AOAH: variants seen among roughly 807,000 people sequenced by gnomAD.
The protein encoded by AOAH is acyloxyacyl hydrolase (neutrophil).
AOAH carries 64 observed loss-of-function variants against 92.2 expected under a neutral mutation model. The observed-to-expected ratio is 0.69, with a 90% CI of 0.57 to 0.86. The LOEUF (loss-of-function observed/expected upper bound fraction) is 0.86. Ranked by LOEUF, AOAH falls within the 40% of genes least tolerant of loss-of-function variation. The pLI is 0.00. For synonymous variants in AOAH, 263 were observed against 254.5 expected (o/e 1.03, Z -0.32); for missense variants, 656 against 694.6 (o/e 0.94, Z 0.62).
chr7:36,673,966 C>G lies in AOAH; in HGVS notation c.267G>C (p.Lys89Asn). 1 of 1,610,890 alleles carries G rather than the reference C, an allele frequency of 6.2e-7. No individual in the cohort carries two copies. Among genetic ancestry groups the G allele is most frequent in the Non-Finnish European group, 8.5e-7 (1 of 1,177,464 alleles). ...ACAGTTTTATGATGTCTGATCCAAACTTGTCAATGACTAAATAGCAGGTGG... is the reference window on the plus strand; with the variant it reads ...ACAGTTTTATGATGTCTGATCCAAAGTTGTCAATGACTAAATAGCAGGTGG... ...LKTTCYLVID[K>N]FGSDIIKLLS... Residue 89 changes from lysine to asparagine, a missense_variant, in exon 3 of 21, where the codon AAG becomes AAC. Lys to Asn is a moderately conservative substitution (Grantham distance 94). Transcript: ENST00000617537.
At chr7:36,565,250 A>G (rs957765009) in intron 13 of AOAH, among the ~76,000 whole-genome samples, 1 of 99,936 alleles carries the variant, frequency 1.0e-5, no homozygotes, top group African/African-American at 4.0e-5. Flanking sequence ...AGGCTCTGCA[A>G]ACAGAAATGT....
At chr7:36,535,979 G>A (rs1785030546) in intron 16 of AOAH, among the ~76,000 whole-genome samples, 1 of 152,204 alleles carries the variant, frequency 6.6e-6, no homozygotes, top group Non-Finnish European at 1.5e-5. Flanking sequence ...TTAGCTACTA[G>A]TAGAGGCTGT....
chr7:36,517,153 T>C (rs1427768936), intron 20 of AOAH, among the ~76,000 whole-genome samples: 1 of 150,784 alleles, frequency 6.6e-6, no homozygotes, highest in African/African-American at 2.4e-5. Flanking sequence ...TTTATCCATG[T>C]TAGTCTTTCT....
chr7:36,546,428 A>G (rs1228990826), intron 15 of AOAH, among the ~76,000 whole-genome samples: 1 of 152,190 alleles, frequency 6.6e-6, no homozygotes, highest in African/African-American at 2.4e-5. Flanking sequence ...TCCACAGGAC[A>G]TCACAAAGTG....
intron 6 of AOAH, 67 bp from the exon 7 acceptor site, chr7:36,623,317 TAGAG>T (rs994642781): frequency 7.9e-6 from 11 of 1,398,658 alleles, no homozygotes; most frequent in African/African-American, 7.1e-5. Context: ...TGAAAACAAA[TAGAG>T]AGACATTTTC....
At chr7:36,718,935 T>A (rs182185618) in intron 1 of AOAH, among the ~76,000 whole-genome samples, 1 of 152,224 alleles carries the variant, frequency 6.6e-6, no homozygotes, top group African/African-American at 2.4e-5. Context: ...TTATGATACA[T>A]GAATTATATT....
chr7:36,663,832 T>C (rs575574292), intron 3 of AOAH, among the ~76,000 whole-genome samples: 62 of 152,350 alleles, frequency 4.1e-4, no homozygotes, highest in African/African-American at 1.4e-3. Flanking sequence ...GTATGAATCC[T>C]GGCTTGTATG....
At chr7:36,557,182 G>C (rs542868201) in intron 13 of AOAH, among the ~76,000 whole-genome samples, 1 of 151,764 alleles carries the variant, frequency 6.6e-6, no homozygotes, top group African/African-American at 2.4e-5. Flanking sequence ...CAGGCCTGGT[G>C]GTGACAAAAT....
chr7:36,528,481 G>A (rs1784517188), intron 19 of AOAH, among the ~76,000 whole-genome samples: 1 of 152,158 alleles, frequency 6.6e-6, no homozygotes, highest in South Asian at 2.1e-4. Context: ...CTTCTGCTTT[G>A]TTGACGATTA....
chr7:36,537,043 C>G (rs183068341), intron 16 of AOAH, among the ~76,000 whole-genome samples: 2 of 149,088 alleles, frequency 1.3e-5, no homozygotes, highest in African/African-American at 4.9e-5. Flanking sequence ...TGAGTCCTGT[C>G]AAAGGAGGCC....
chr7:36,693,602 C>T (rs982512434), intron 1 of AOAH, among the ~76,000 whole-genome samples: 1 of 152,024 alleles, frequency 6.6e-6, no homozygotes, highest in African/African-American at 2.4e-5. Context: ...GTGTATAAAA[C>T]TTAAAAATTT....
intron 14 of AOAH, 120 bp downstream of exon 14, chr7:36,549,319 G>T: frequency 1.3e-6 from 1 of 751,688 alleles, no homozygotes. Flanking sequence ...CCTTGAGTTT[G>T]GATAGTGACT....
chr7:36,641,995 G>A (rs1793949622), intron 4 of AOAH, among the ~76,000 whole-genome samples: 1 of 152,126 alleles, frequency 6.6e-6, no homozygotes. Context: ...CCAGCCCAAA[G>A]TCTTCAGACA....
chr7:36,640,390 A>G (rs1321576626), intron 4 of AOAH, among the ~76,000 whole-genome samples: 1 of 152,232 alleles, frequency 6.6e-6, no homozygotes, highest in Non-Finnish European at 1.5e-5. Flanking sequence ...AAATTGAAGC[A>G]AAGAGGGAGC....
In AOAH at chr7:36,704,273, T is replaced by G. The variant is rs573836613; in HGVS notation, c.128-17479A>C. On this transcript the variant is annotated intron_variant, in intron 1 of 20. Coordinates refer to ENST00000617537, the MANE Select transcript of AOAH (RefSeq NM_001637.4). ...GTTAGCCTTTTGTCAGATGGATAGA[T>G]TGCAAAAATTTTCTCCCATTCTGTA... Among the ~76,000 whole-genome samples the G allele has an allele frequency of 5.3e-4, 80 of 152,302 alleles. 1 individual carries two copies. The South Asian group carries it at 0.017, about 32-fold the overall frequency.
At chr7:36,590,057 A>G (rs12667356) in intron 12 of AOAH, among the ~76,000 whole-genome samples, 22,540 of 151,882 alleles carry the variant, frequency 0.15, 2,303 homozygotes, top group African/African-American at 0.28. Context: ...GGCTCAAGCA[A>G]TCTTCCCGTC....
At chr7:36,688,334 T>C (rs529217963) in intron 1 of AOAH, among the ~76,000 whole-genome samples, 1 of 152,268 alleles carries the variant, frequency 6.6e-6, no homozygotes, top group Admixed American at 6.5e-5. Context: ...ATAATAAACA[T>C]CACTCAACCC....
intron 16 of AOAH, among the ~76,000 whole-genome samples, chr7:36,538,091 G>A (rs866935300): frequency 5.4e-5 from 8 of 149,446 alleles, no homozygotes; most frequent in African/African-American, 1.7e-4. Flanking sequence ...GCAATGGTGC[G>A]ATCTCGGCTC....
rs371163765 is a variant in AOAH at position 36,622,663 on chromosome 7, T to G, written c.582+527A>C. On this transcript the variant is annotated intron_variant, in intron 7 of 20. Coordinates refer to ENST00000617537, the MANE Select transcript of AOAH (RefSeq NM_001637.4). ...AGGCAACCATAGCCCCCATGGAGAC[T>G]TCCAGCTGGGAATGGCAACAAAACC... Among the ~76,000 whole-genome samples, 45 of 152,350 alleles carry G rather than the reference T, an allele frequency of 3.0e-4. 1 individual carries two copies. The East Asian group carries it at 5.6e-3, about 19-fold the overall frequency.
Sources: allele counts gnomAD v4.1 joint callset (sites outside exome capture counted in the v4.1 genomes callset), GRCh38; gene constraint gnomAD v4.1.1; transcripts MANE v1.5; gene names NCBI Gene and HGNC (gene_info 2026-07-23, HGNC 2026-07-21).